DPH7: variants seen among roughly 807,000 people sequenced by gnomAD.
DPH7 encodes diphthamide biosynthesis 7, also known as diphthine methyltransferase.
A neutral mutation model predicts 41.7 loss-of-function variants in DPH7; 44 were observed. The observed-to-expected ratio is 1.05, with a 90% CI of 0.83 to 1.36. DPH7 has a LOEUF of 1.36. Among genes scored for constraint, DPH7 ranks in the 40% most tolerant of loss-of-function variants. The pLI is 0.00. For missense variants in DPH7, 629 were observed against 577.5 expected, an observed-to-expected ratio of 1.09 and a Z score of -0.91; for synonymous variants, 275 against 238.0, an observed-to-expected ratio of 1.16 and a Z score of -1.43.
chr9:137,570,279 G>T (rs1840215898), intron 5 of DPH7, among the ~76,000 whole-genome samples: 1 of 152,224 alleles, frequency 6.6e-6, no homozygotes, highest in South Asian at 2.1e-4. Context: ...CTGCAGATGA[G>T]CCTCAAGTAT....
chr9:137,574,725 G>A, intron 4 of DPH7, 27 bp downstream of exon 4: 2 of 1,607,780 alleles, frequency 1.2e-6, no homozygotes, highest in Non-Finnish European at 1.7e-6. Context: ...GAAAGACTCA[G>A]GACCCCTGAC....
chr9:137,577,049 G>A (rs1841534825), intron 2 of DPH7, among the ~76,000 whole-genome samples: 1 of 96,760 alleles, frequency 1.0e-5, no homozygotes, highest in Admixed American at 1.2e-4. Context: ...ACAAAACCCT[G>A]CCTCAAAAAA....
rs1588853977 is a variant in DPH7, at chr9:137,564,503, G to A, written c.880C>T (p.His294Tyr). ...CAGGCGGCCAGGAGCAGGTGGTGGT[G>A]GAAAGGGTGCCACTTGATTCTCCAT... is the stretch of plus-strand genomic sequence containing the variant. The part of the protein sequence containing the change: ...GVWRIKWHPF[H>Y]HHLLLAACMH... Residue 294 changes from histidine (H) to tyrosine (Y), a missense_variant, in exon 8 of 9, where the codon CAC becomes TAC. His to Tyr is a moderately conservative substitution (Grantham distance 83). Coordinates refer to ENST00000277540, the MANE Select transcript of DPH7 (RefSeq NM_138778.5). 6.2e-7 allele frequency: 1 copy of A among 1,614,098 alleles called. No individual in the cohort carries two copies. Among genetic ancestry groups the A allele is most frequent in the Non-Finnish European group, 8.5e-7 (1 of 1,179,986 alleles).
rs548985547 is a variant in DPH7 at position 137,556,321 on chromosome 9, G to A, written c.950-673C>T. On this transcript the variant is annotated intron_variant, in intron 8 of 8. Transcript: ENST00000277540. The surrounding 1 kb of genome is among the most constrained non-coding windows in gnomAD (Gnocchi z 5.2). ...ACCCGAGGCGATCTGGAGTCCAGGA[G>A]GCAAGGCCAGGGCTGGCAGGGGCAG... 3.9e-5 allele frequency among the ~76,000 whole-genome samples: 6 copies of A among 152,360 alleles called. No homozygotes were observed. In the East Asian group the frequency reaches 9.6e-4, roughly 24 times the overall value.
intron 1 of DPH7, 87 bp from the exon 2 acceptor site, chr9:137,577,690 G>A: frequency 6.5e-7 from 1 of 1,530,298 alleles, no homozygotes; most frequent in South Asian, 1.2e-5. Flanking sequence ...GAACTCAAAG[G>A]TTTGCCATGA....
rs556335398 is a variant in DPH7 at position 137,568,827 on chromosome 9, C to T, written c.641-3673G>A. On this transcript the variant is annotated intron_variant, in intron 5 of 8. Transcript: ENST00000277540. ...GCAGGCGACCATTGTTCACAGGGGC[C>T]GTTACTAGGTCCTAGGGGCTAAACT... Among the ~76,000 whole-genome samples, 26 of 152,214 alleles carry T rather than the reference C, an allele frequency of 1.7e-4. 1 individual carries two copies. Among genetic ancestry groups the T allele is most frequent in the South Asian group, 1.7e-3 (8 of 4,828 alleles).
At chr9:137,571,331 C>T (rs553733697) in intron 5 of DPH7, among the ~76,000 whole-genome samples, 10 of 151,960 alleles carry the variant, frequency 6.6e-5, no homozygotes, top group Admixed American at 2.0e-4. Flanking sequence ...GGACTACAGG[C>T]GCCTGCCACC....
intron 5 of DPH7, 33 bp downstream of exon 5, chr9:137,574,175 T>C: frequency 6.2e-6 from 10 of 1,600,020 alleles, no homozygotes; most frequent in East Asian, 2.2e-5. Context: ...CAGCAAGCCT[T>C]CCATCAGAGG....
At chr9:137,562,425 C>T (rs1838788389) in intron 8 of DPH7, among the ~76,000 whole-genome samples, 2 of 152,110 alleles carry the variant, frequency 1.3e-5, no homozygotes, top group African/African-American at 4.8e-5. Flanking sequence ...CACTTAAAAA[C>T]ATGTACATTA....
intron 3 of DPH7, 193 bp from the exon 4 acceptor site, chr9:137,575,036 TGGAGCTCACACTCCTCACACTTGCA>T (rs1841136742): frequency 4.3e-6 from 6 of 1,391,952 alleles, no homozygotes; most frequent in Non-Finnish European, 5.6e-6. Context: ...CTGGGGACAC[TGGAGCTCACACTCCTCACACTTGCA>T]GGACAACTTT....
intron 8 of DPH7, among the ~76,000 whole-genome samples, chr9:137,558,298 G>T (rs1837873734): frequency 1.3e-5 from 2 of 152,204 alleles, no homozygotes; most frequent in African/African-American, 4.8e-5. Context: ...GGACTGAGTT[G>T]AGGCAGGAGG....
intron 2 of DPH7, chr9:137,576,406 A>C (rs1841394217): frequency 1.9e-6 from 1 of 523,426 alleles, no homozygotes; most frequent in Non-Finnish European, 3.5e-6. Flanking sequence ...TGTATATCTA[A>C]ACATAGAAAA....
chr9:137,558,993 G>A (rs1838026451), intron 8 of DPH7, among the ~76,000 whole-genome samples: 1 of 152,184 alleles, frequency 6.6e-6, no homozygotes, highest in African/African-American at 2.4e-5. Flanking sequence ...TGGGCGGCAA[G>A]CCACCCAGGC....
At chr9:137,568,660 A>T (rs1263726682) in intron 5 of DPH7, among the ~76,000 whole-genome samples, 2 of 152,152 alleles carry the variant, frequency 1.3e-5, no homozygotes, top group African/African-American at 4.8e-5. Context: ...GGTCCCAGAA[A>T]CAACCCCCAG....
At chr9:137,568,660 A>G (rs1263726682) in intron 5 of DPH7, among the ~76,000 whole-genome samples, 1 of 152,152 alleles carries the variant, frequency 6.6e-6, no homozygotes, top group South Asian at 2.1e-4. Context: ...GGTCCCAGAA[A>G]CAACCCCCAG....
intron 5 of DPH7, among the ~76,000 whole-genome samples, chr9:137,571,695 G>A (rs1348212052): frequency 6.6e-6 from 1 of 152,060 alleles, no homozygotes; most frequent in African/African-American, 2.4e-5. Context: ...GGCTGAGGCA[G>A]GAGAATCACT....
chr9:137,558,879 C>G (rs889332207), intron 8 of DPH7, among the ~76,000 whole-genome samples: 2 of 152,042 alleles, frequency 1.3e-5, no homozygotes, highest in African/African-American at 4.8e-5. Context: ...GGACTACAGG[C>G]GCCCGACCTC....
Position 137,555,283 on chromosome 9 carries a change from A to C in DPH7, c.1315T>G (p.Phe439Val). 1 of 1,613,690 alleles carries C rather than the reference A, an allele frequency of 6.2e-7. No homozygotes were observed. The highest frequency in any genetic ancestry group is 8.5e-7 in the Non-Finnish European group (1 of 1,179,746). The stretch of plus-strand genomic sequence containing the variant: ...CAGAGGTGGAGCGCATGGTCATAGA[A>C]GGAGCAGGTGGCCAGGAGGCTGAAG... ...SAFSLLATCS[F>V]YDHALHLWEW... The change falls in exon 9 of 9, where the codon TTC (phenylalanine) becomes GTC (valine). Residue 439 changes from phenylalanine to valine, a missense_variant. Transcript: ENST00000277540.
At chr9:137,574,447 A>G in intron 4 of DPH7, 67 bp from the exon 5 acceptor site, 10 of 1,559,902 alleles carry the variant, frequency 6.4e-6, no homozygotes, top group South Asian at 1.1e-5. Context: ...TGGTTCCCAA[A>G]CAAGTCCTGA....
Sources: gnomAD v4.1 joint callset for allele counts (sites outside exome capture counted in the v4.1 genomes callset) on GRCh38, gnomAD v4.1.1 for gene constraint, Gnocchi (gnomAD v3.1) non-coding constraint, MANE v1.5 for transcripts, NCBI Gene and HGNC (gene_info 2026-07-23, HGNC 2026-07-21) for gene names.